CLDN16: variants seen among roughly 807,000 people sequenced by gnomAD.
CLDN16 encodes claudin 16, also known as claudin-16.
A neutral mutation model predicts 24.6 loss-of-function variants in CLDN16; 13 were observed. The observed-to-expected ratio is 0.53, with a 90% CI of 0.34 to 0.84. The LOEUF is 0.84. Ranked by LOEUF, CLDN16 falls within the 40% of genes least tolerant of loss-of-function variation. The pLI is 0.01. For synonymous variants in CLDN16, 116 were observed against 106.7 expected (o/e 1.09, Z -0.54); for missense variants, 298 against 292.7 (o/e 1.02, Z -0.13).
the CLDN16 span, among the ~76,000 whole-genome samples, chr3:190,294,039 A>G: frequency 2.0e-5 from 3 of 152,328 alleles, no homozygotes; most frequent in East Asian, 3.9e-4. Context: ...GTTTTGGTTG[A>G]AAAGTCTTGA....
intron 3 of CLDN16, among the ~76,000 whole-genome samples, chr3:190,405,313 A>C (rs1196318479): frequency 6.6e-6 from 1 of 151,482 alleles, no homozygotes; most frequent in Non-Finnish European, 1.5e-5. Context: ...AGTCCCAGCT[A>C]CTCGGCGGGG....
intron 3 of CLDN16, among the ~76,000 whole-genome samples, chr3:190,377,146 ACATATTAGGGATG>A (rs1198187206): frequency 6.6e-6 from 1 of 151,974 alleles, no homozygotes; most frequent in Non-Finnish European, 1.5e-5. Flanking sequence ...AAAACAGGGT[ACATATTAGGGATG>A]CATAAGAAGT....
the CLDN16 span, among the ~76,000 whole-genome samples, chr3:190,298,680 C>T: frequency 4.6e-5 from 7 of 151,964 alleles, no homozygotes; most frequent in Admixed American, 1.3e-4. Flanking sequence ...TCAGGTGATC[C>T]GCGCGCCTTG....
chr3:190,384,467 C>T (rs750461082), upstream of CLDN16, among the ~76,000 whole-genome samples: 12 of 152,278 alleles, frequency 7.9e-5, no homozygotes, highest in South Asian at 2.1e-4. Flanking sequence ...CCAACAGCCA[C>T]GGTGCTAGAT....
At chr3:190,354,119 G>A (rs1470533405) in intron 1 of CLDN16, among the ~76,000 whole-genome samples, 1 of 151,880 alleles carries the variant, frequency 6.6e-6, no homozygotes, top group African/African-American at 2.4e-5. Flanking sequence ...TGTCTGTATT[G>A]AATCTCTCTC....
At position 190,336,121 on chromosome 3, in the gene CLDN16, G is replaced by A. The variant is rs189457976; in HGVS notation, n.121+13460G>A. The stretch of plus-strand genomic sequence containing the variant: ...TTGGTTACTCAGGAGAAAAAAAAAT[G>A]ACTAATCATTAATTTAAAACTAAGT... On this transcript the variant is annotated intron_variant and non_coding_transcript_variant, in intron 1 of 4. Transcript: ENST00000468220. Among the ~76,000 whole-genome samples the A allele has an allele frequency of 1.1e-4, 17 of 152,222 alleles. No homozygotes were observed. The East Asian group carries it at 2.7e-3, about 24-fold the overall frequency.
intron 1 of CLDN16, among the ~76,000 whole-genome samples, chr3:190,341,378 G>A (rs1252514795): frequency 1.3e-5 from 2 of 152,168 alleles, no homozygotes; most frequent in Non-Finnish European, 2.9e-5. Flanking sequence ...GCACTTGCAG[G>A]CTCAACACCA....
Position 190,401,753 on chromosome 3 carries a change from G to A in CLDN16, c.115-584G>A, listed in dbSNP as rs192829982. 3.4e-3 allele frequency among the ~76,000 whole-genome samples: 517 copies of A among 152,144 alleles called. 4 individuals are homozygous for A. Among genetic ancestry groups the A allele is most frequent in the African/African-American group, 0.012 (494 of 41,498 alleles). On this transcript the variant is annotated intron_variant, in intron 1 of 4. Coordinates refer to ENST00000264734, the MANE Select transcript of CLDN16 (RefSeq NM_006580.4). ...TAAGCATTTATAATATATCATTGGA[G>A]CAATAAATAAGACTTGGGGCCTTTA...
intron 2 of CLDN16, among the ~76,000 whole-genome samples, chr3:190,402,737 T>G (rs2108671157): frequency 6.6e-6 from 1 of 152,232 alleles, no homozygotes; most frequent in South Asian, 2.1e-4. Flanking sequence ...CAGTAAATGG[T>G]TTTTTAATCG....
Position 190,367,551 on chromosome 3 carries a change from T to A in CLDN16, n.122-3342T>A, listed in dbSNP as rs556248852. Among the ~76,000 whole-genome samples the A allele has an allele frequency of 2.0e-5, 3 of 152,112 alleles. No homozygotes were observed. The South Asian group carries it at 6.2e-4, about 32-fold the overall frequency. ...GATTAGAGGAGAATCAATGTGATCATGTTGCCCAAATGTCCGATTTATTAT... is the reference window on the plus strand; with the variant it reads ...GATTAGAGGAGAATCAATGTGATCAAGTTGCCCAAATGTCCGATTTATTAT... On this transcript the variant is annotated intron_variant and non_coding_transcript_variant, in intron 1 of 4. Transcript: ENST00000468220.
intron 1 of CLDN16, among the ~76,000 whole-genome samples, chr3:190,348,606 GC>G (rs947705262): frequency 6.6e-5 from 10 of 152,084 alleles, no homozygotes; most frequent in African/African-American, 2.4e-4. Flanking sequence ...TAAAAACTAT[GC>G]CCCCATTGCC....
the CLDN16 span, among the ~76,000 whole-genome samples, chr3:190,295,730 A>C: frequency 1.3e-5 from 2 of 151,816 alleles, no homozygotes; most frequent in Non-Finnish European, 2.9e-5. Context: ...AATTTGTATA[A>C]AAGGAGATCA....
chr3:190,335,450 C>G (rs113703834), intron 1 of CLDN16, among the ~76,000 whole-genome samples: 6,538 of 152,090 alleles, frequency 0.043, 323 homozygotes, highest in African/African-American at 0.12. Context: ...TGCAGTGGCT[C>G]ACGCCTGTAA....
At chr3:190,367,041 CACA>C (rs906043635) in intron 1 of CLDN16, among the ~76,000 whole-genome samples, 24 of 152,074 alleles carry the variant, frequency 1.6e-4, no homozygotes, top group African/African-American at 5.8e-4. Flanking sequence ...TTAATTTTAG[CACA>C]ACATTTTAAA....
At position 190,324,308 on chromosome 3, in the gene CLDN16, C is replaced by T. The variant is rs142809007; in HGVS notation, n.121+1647C>T. 8.5e-4 allele frequency among the ~76,000 whole-genome samples: 130 copies of T among 152,100 alleles called. 1 individual carries two copies. Among genetic ancestry groups the T allele is most frequent in the African/African-American group, 3.0e-3 (123 of 41,492 alleles). The stretch of plus-strand genomic sequence containing the variant: ...GATCAGCCTGGCCAACATGGTGAAA[C>T]CCCGTCTCTACTAACAATATGAAAA... On this transcript the variant is annotated intron_variant and non_coding_transcript_variant, in intron 1 of 4. Transcript: ENST00000468220.
At position 190,400,342 on chromosome 3, in the gene CLDN16, G is replaced by A. The variant is rs116115171; in HGVS notation, c.115-1995G>A. 8.8e-3 allele frequency among the ~76,000 whole-genome samples: 1,337 copies of A among 152,068 alleles called. 19 individuals carry two copies. The highest frequency in any genetic ancestry group is 0.03 in the African/African-American group (1,230 of 41,470). On this transcript the variant is annotated intron_variant, in intron 1 of 4. Transcript: ENST00000264734. Reference sequence around the variant, plus strand: ...CAACATCCGACTCAGTGGTTCAAGCGATGCTCCTGCCTCCCGAGTGGCTGG... The same window carrying A: ...CAACATCCGACTCAGTGGTTCAAGCAATGCTCCTGCCTCCCGAGTGGCTGG...
chr3:190,379,300 C>T (rs1718310590), intron 3 of CLDN16, among the ~76,000 whole-genome samples: 1 of 152,026 alleles, frequency 6.6e-6, no homozygotes, highest in Non-Finnish European at 1.5e-5. Flanking sequence ...ATAAACTACA[C>T]TATTACAGGG....
At chr3:190,334,921 A>G in intron 1 of CLDN16, among the ~76,000 whole-genome samples, 1 of 152,114 alleles carries the variant, frequency 6.6e-6, no homozygotes, top group Non-Finnish European at 1.5e-5. Context: ...GAATCTCTGG[A>G]AACAATTTGT....
At chr3:190,358,576 T>G (rs1226229368) in intron 1 of CLDN16, among the ~76,000 whole-genome samples, 4 of 151,976 alleles carry the variant, frequency 2.6e-5, no homozygotes, top group Non-Finnish European at 5.9e-5. Flanking sequence ...GTAGGATGAT[T>G]GCAAATTGTG....
Sources: allele counts gnomAD v4.1 joint callset (sites outside exome capture counted in the v4.1 genomes callset), GRCh38; gene constraint gnomAD v4.1.1; transcripts MANE v1.5; gene names NCBI Gene and HGNC (gene_info 2026-07-23, HGNC 2026-07-21).